C4orf33: variants seen among roughly 807,000 people sequenced by gnomAD.
C4orf33 encodes chromosome 4 open reading frame 33, also known as UPF0462 protein C4orf33.
C4orf33 carries 20 observed loss-of-function variants against 24.3 expected under a neutral mutation model. The ratio of observed to expected loss-of-function variants is 0.82; its 90% confidence interval spans 0.58 to 1.19. C4orf33 has a LOEUF of 1.19. Ranked by LOEUF, C4orf33 falls within the 50% of genes most tolerant of loss-of-function variation. C4orf33 has a pLI of 0.00. For missense variants in C4orf33, 207 were observed against 225.9 expected, an observed-to-expected ratio of 0.92 and a Z score of 0.54; for synonymous variants, 67 against 76.4, an observed-to-expected ratio of 0.88 and a Z score of 0.64.
At chr4:129,100,415 A>G (rs888762447) in intron 1 of C4orf33, among the ~76,000 whole-genome samples, 2 of 151,904 alleles carry the variant, frequency 1.3e-5, no homozygotes, top group African/African-American at 2.4e-5. Flanking sequence ...TCTTCTTCCA[A>G]TGTGGTCCAG....
At chr4:129,108,170 A>C (rs1753572464) in intron 3 of C4orf33, among the ~76,000 whole-genome samples, 1 of 152,166 alleles carries the variant, frequency 6.6e-6, no homozygotes, top group South Asian at 2.1e-4. Flanking sequence ...TAATCAGAAG[A>C]CTTTCAAATG....
chr4:129,100,785 G>A (rs1266518693), intron 1 of C4orf33: 2 of 152,126 alleles, frequency 1.3e-5, no homozygotes, highest in African/African-American at 2.4e-5. Context: ...TAGGAGAATA[G>A]CATTTTCTCT....
chr4:129,105,000 T>A (rs1481501767), intron 2 of C4orf33, among the ~76,000 whole-genome samples: 2 of 151,408 alleles, frequency 1.3e-5, no homozygotes, highest in African/African-American at 4.8e-5. Context: ...TATACACACA[T>A]GTATGTATAG....
At chr4:129,104,959 A>AGTGT (rs59872290) in intron 2 of C4orf33, among the ~76,000 whole-genome samples, 43 of 149,258 alleles carry the variant, frequency 2.9e-4, no homozygotes, top group African/African-American at 9.4e-4. Flanking sequence ...TGTGCATCTG[A>AGTGT]GTGTGTGTGT....
intron 1 of C4orf33, among the ~76,000 whole-genome samples, chr4:129,096,600 T>C (rs1753214297): frequency 6.6e-6 from 1 of 152,222 alleles, no homozygotes; most frequent in Admixed American, 6.5e-5. Context: ...GTCTCCTTTC[T>C]CTTCCTTCGT....
rs1753729151 is a variant in C4orf33 at position 129,113,480 on chromosome 4, C to G, written c.*1689C>G. On this transcript the variant is annotated 3_prime_UTR_variant, in exon 6 of 6. Coordinates refer to ENST00000425929, the MANE Select transcript of C4orf33 (RefSeq NM_001099783.2). ...TTTGAGAGTGGGTGTTTGTAATAGCCATTTCAAATTTGTTTTTCAACTTCA... is the reference window on the plus strand; with the variant it reads ...TTTGAGAGTGGGTGTTTGTAATAGCGATTTCAAATTTGTTTTTCAACTTCA... 1 of 152,100 alleles carries G rather than the reference C, an allele frequency of 6.6e-6. No individual in the cohort carries two copies. Among genetic ancestry groups the G allele is most frequent in the Admixed American group, 6.5e-5 (1 of 15,270 alleles). The allele number at this position is 152,100 out of a possible 1,614,324, so 9.4% of individuals were successfully genotyped here. A position where few individuals can be genotyped will look rare whatever the true frequency, so the allele number is the denominator to read the frequency against.
chr4:129,109,292 T>A lies in C4orf33; in HGVS notation c.243-15T>A. The A allele has an allele frequency of 1.2e-6, 2 of 1,611,742 alleles. No homozygotes were observed. Among genetic ancestry groups the A allele is most frequent in the Non-Finnish European group, 1.7e-6 (2 of 1,177,838 alleles). Reference sequence around the variant, plus strand: ...ATGTTTTTCAAACACTCATGAGGAATCTTAATTTTGACAGCCACGGACAGC... The same window carrying A: ...ATGTTTTTCAAACACTCATGAGGAAACTTAATTTTGACAGCCACGGACAGC... On this transcript the variant is annotated splice_polypyrimidine_tract_variant and intron_variant, in intron 3 of 5. Transcript: ENST00000425929.
At chr4:129,094,744 G>C (rs1481682499), upstream of C4orf33, among the ~76,000 whole-genome samples, 1 of 152,106 alleles carries the variant, frequency 6.6e-6, no homozygotes, top group Non-Finnish European at 1.5e-5. Context: ...ATTTTTAGTA[G>C]CTATAACGTT....
intron 2 of C4orf33, 92 bp downstream of exon 2, chr4:129,102,883 A>C: frequency 8.6e-7 from 1 of 1,161,706 alleles, no homozygotes; most frequent in Non-Finnish European, 1.2e-6. Context: ...TTGGGAAGTA[A>C]GTGCTTCTGA....
intron 3 of C4orf33, among the ~76,000 whole-genome samples, chr4:129,106,984 G>A (rs1211657134): frequency 6.6e-6 from 1 of 151,746 alleles, no homozygotes; most frequent in Non-Finnish European, 1.5e-5. Context: ...CAATAAATTT[G>A]CATTATTATA....
At position 129,097,280 on chromosome 4, in the gene C4orf33, G is replaced by T. The variant is rs369556586; in HGVS notation, c.-10+1071G>T. On this transcript the variant is annotated intron_variant, in intron 1 of 5. Transcript: ENST00000425929. Reference sequence around the variant, plus strand: ...CTGTCATAGTGTAAAATGCAGATAGGTTTTTAAAAAGTGATGAAGTTGAAA... The same window carrying T: ...CTGTCATAGTGTAAAATGCAGATAGTTTTTTAAAAAGTGATGAAGTTGAAA... 3.3e-5 allele frequency among the ~76,000 whole-genome samples: 5 copies of T among 152,152 alleles called. No individual in the cohort carries two copies. The East Asian group carries it at 9.6e-4, about 29-fold the overall frequency.
chr4:129,104,901 A>G (rs1274612954), intron 2 of C4orf33, among the ~76,000 whole-genome samples: 2 of 152,100 alleles, frequency 1.3e-5, no homozygotes, highest in African/African-American at 4.8e-5. Context: ...AGAAGCTGCA[A>G]AAGTATTTGT....
At chr4:129,099,540 C>T (rs1446993886) in intron 1 of C4orf33, among the ~76,000 whole-genome samples, 1 of 152,072 alleles carries the variant, frequency 6.6e-6, no homozygotes. Context: ...AAATAGTAAC[C>T]ATCACTTATA....
At chr4:129,111,290 T>C (rs1337591770) in intron 5 of C4orf33, among the ~76,000 whole-genome samples, 1 of 152,220 alleles carries the variant, frequency 6.6e-6, no homozygotes, top group Non-Finnish European at 1.5e-5. Context: ...GTCTATCTTA[T>C]CAATGGAACT....
chr4:129,107,594 G>C lies in C4orf33; in HGVS notation c.242+947G>C, dbSNP rs373624376. On this transcript the variant is annotated intron_variant, in intron 3 of 5. Coordinates refer to ENST00000425929, the MANE Select transcript of C4orf33 (RefSeq NM_001099783.2). ...AATGTAGAAAAGTCTAGCTGTTTGC[G>C]TTCTGTTTTTTAAGAAGAGTAATCA... is the stretch of plus-strand genomic sequence containing the variant. Among the ~76,000 whole-genome samples, 15 of 151,884 alleles carry C rather than the reference G, an allele frequency of 9.9e-5. 1 individual carries two copies. The South Asian group carries it at 2.9e-3, about 29-fold the overall frequency.
At chr4:129,096,346 C>T (rs572366883) in intron 1 of C4orf33, 137 bp downstream of exon 1, 3 of 152,282 alleles carry the variant, frequency 2.0e-5, no homozygotes, top group South Asian at 2.1e-4. Flanking sequence ...GAGCGTACTC[C>T]CCCTTTCAGG....
chr4:129,100,034 A>G (rs997269953), intron 1 of C4orf33, among the ~76,000 whole-genome samples: 4 of 152,172 alleles, frequency 2.6e-5, no homozygotes, highest in Non-Finnish European at 4.4e-5. Context: ...ACTATTCCCT[A>G]CTTGTGGAAG....
chr4:129,095,907 T>C (rs1339442239), upstream of C4orf33, among the ~76,000 whole-genome samples: 1 of 152,238 alleles, frequency 6.6e-6, no homozygotes, highest in East Asian at 1.9e-4. Flanking sequence ...TTTCTGTACA[T>C]GTTATATTGT....
intron 3 of C4orf33, 138 bp downstream of exon 3, chr4:129,106,785 A>T (rs1412490012): frequency 2.0e-6 from 1 of 506,810 alleles, no homozygotes; most frequent in East Asian, 3.5e-5. Flanking sequence ...ATATGCTTTT[A>T]TATATTTCTT....
Sources: allele counts gnomAD v4.1 joint callset (sites outside exome capture counted in the v4.1 genomes callset), GRCh38; gene constraint gnomAD v4.1.1; transcripts MANE v1.5; gene names NCBI Gene and HGNC (gene_info 2026-07-23, HGNC 2026-07-21).